ZHX3: variants seen among roughly 807,000 people sequenced by gnomAD.
ZHX3 encodes zinc fingers and homeoboxes 3.
ZHX3 carries 20 observed loss-of-function variants against 64.5 expected under a neutral mutation model. That is an observed-to-expected ratio of 0.31 (90% CI 0.22 to 0.45). The LOEUF (loss-of-function observed/expected upper bound fraction) is 0.45. ZHX3 is among the 20% of genes least tolerant of loss of function. ZHX3 has a pLI of 1.00. For synonymous variants in ZHX3, 423 were observed against 461.6 expected (o/e 0.92, Z 1.07); for missense variants, 1,041 against 1,195.8 (o/e 0.87, Z 1.91).
chr20:41,273,460 A>G (rs2146643785), intron 1 of ZHX3, among the ~76,000 whole-genome samples: 1 of 152,220 alleles, frequency 6.6e-6, no homozygotes, highest in South Asian at 2.1e-4. Context: ...ATGAAGATTT[A>G]CCCTTATGTT....
chr20:41,208,011 T>A (rs1343945359), intron 2 of ZHX3, among the ~76,000 whole-genome samples: 1 of 151,988 alleles, frequency 6.6e-6, no homozygotes, highest in Non-Finnish European at 1.5e-5. Context: ...AAAGGGGATA[T>A]CACCACCGAT....
chr20:41,209,487 C>A (rs1029975450), intron 2 of ZHX3, among the ~76,000 whole-genome samples: 1 of 152,082 alleles, frequency 6.6e-6, no homozygotes, highest in Non-Finnish European at 1.5e-5. Context: ...GTACTGGTAC[C>A]AAAACAGAGA....
At chr20:41,258,115 G>C (rs1174492887) in intron 2 of ZHX3, among the ~76,000 whole-genome samples, 1 of 151,422 alleles carries the variant, frequency 6.6e-6, no homozygotes, top group Non-Finnish European at 1.5e-5. Flanking sequence ...GGCCAGGCTG[G>C]TCTCAAACTC....
chr20:41,313,561 T>TA lies in ZHX3; in HGVS notation c.-245+3947dup, dbSNP rs141382019. Among the ~76,000 whole-genome samples, 1,138 of 149,538 alleles carry TA rather than the reference T, an allele frequency of 7.6e-3. 13 individuals carry two copies. The highest frequency in any genetic ancestry group is 0.027 in the African/African-American group (1,078 of 40,630). On this transcript the variant is annotated intron_variant, in intron 1 of 3. Transcript: ENST00000683867. ...GCTCAATCAATACCTGTGGAACAAG[T>TA]AAAAATAAATTCTTAACACATACTT...
Position 41,224,914 on chromosome 20 carries a change from T to C in ZHX3, c.-150-19848A>G, listed in dbSNP as rs968605471. Among the ~76,000 whole-genome samples, 4 of 152,258 alleles carry C rather than the reference T, an allele frequency of 2.6e-5. No homozygotes were observed. Among genetic ancestry groups the C allele is most frequent in the African/African-American group, 9.6e-5 (4 of 41,474 alleles). Reference sequence around the variant, plus strand: ...CTTTCATAACATTTATCAAAATTTGTCTGGATCTTCATCTGATTCTTTTCC... The same window carrying C: ...CTTTCATAACATTTATCAAAATTTGCCTGGATCTTCATCTGATTCTTTTCC... On this transcript the variant is annotated intron_variant, in intron 2 of 3. Transcript: ENST00000683867. The surrounding 1 kb of genome is among the most constrained non-coding windows in gnomAD (Gnocchi z 5.2).
At chr20:41,258,560 T>C (rs1487149247) in intron 2 of ZHX3, among the ~76,000 whole-genome samples, 1 of 152,230 alleles carries the variant, frequency 6.6e-6, no homozygotes, top group Non-Finnish European at 1.5e-5. Flanking sequence ...ACAGTTATTT[T>C]GTTGACTGTC....
chr20:41,316,139 A>C (rs189595669), intron 1 of ZHX3, among the ~76,000 whole-genome samples: 1 of 152,330 alleles, frequency 6.6e-6, no homozygotes, highest in Non-Finnish European at 1.5e-5. Context: ...AGCCCCGCTC[A>C]ATGTATCAAG....
intron 2 of ZHX3, among the ~76,000 whole-genome samples, chr20:41,242,615 T>C (rs1386308372): frequency 6.6e-6 from 1 of 152,176 alleles, no homozygotes; most frequent in African/African-American, 2.4e-5. Flanking sequence ...GATCTACTAG[T>C]GTACTATGTC....
intron 1 of ZHX3, among the ~76,000 whole-genome samples, chr20:41,290,822 T>C (rs879388564): frequency 3.9e-5 from 6 of 152,208 alleles, no homozygotes; most frequent in African/African-American, 7.2e-5. Context: ...AATGATCATG[T>C]GGAAAAGTGG....
intron 1 of ZHX3, among the ~76,000 whole-genome samples, chr20:41,291,673 T>C (rs986153888): frequency 1.3e-5 from 2 of 152,058 alleles, no homozygotes; most frequent in African/African-American, 4.8e-5. Context: ...TGTATGCATA[T>C]GTATACACAC....
At chr20:41,205,835 T>A (rs1226854265) in intron 2 of ZHX3, among the ~76,000 whole-genome samples, 1 of 152,132 alleles carries the variant, frequency 6.6e-6, no homozygotes, top group African/African-American at 2.4e-5. Flanking sequence ...CTGAGAACAG[T>A]TGGACTGCCT....
chr20:41,210,031 A>G (rs1225329245), intron 2 of ZHX3, among the ~76,000 whole-genome samples: 2 of 152,174 alleles, frequency 1.3e-5, no homozygotes, highest in African/African-American at 2.4e-5. Context: ...CAACAAGTGC[A>G]CAAAGGATAT....
At chr20:41,293,527 A>G (rs1435181152) in intron 1 of ZHX3, among the ~76,000 whole-genome samples, 1 of 152,216 alleles carries the variant, frequency 6.6e-6, no homozygotes, top group Non-Finnish European at 1.5e-5. Context: ...ACGTAAAAGA[A>G]TATAAACAAC....
intron 2 of ZHX3, among the ~76,000 whole-genome samples, chr20:41,245,951 C>G (rs2041665430): frequency 6.6e-6 from 1 of 152,194 alleles, no homozygotes; most frequent in Non-Finnish European, 1.5e-5. Flanking sequence ...ATAATTACAG[C>G]CTTCAATGCT....
chr20:41,250,429 A>G (rs2041934963), intron 2 of ZHX3, among the ~76,000 whole-genome samples: 1 of 152,190 alleles, frequency 6.6e-6, no homozygotes. Context: ...CATGTCTGTA[A>G]TCCCAGTACT....
intron 1 of ZHX3, among the ~76,000 whole-genome samples, chr20:41,311,998 T>C (rs1250818773): frequency 1.3e-5 from 2 of 152,160 alleles, no homozygotes; most frequent in South Asian, 2.1e-4. Flanking sequence ...GTAGTCTCTA[T>C]TGGGGGAGTA....
In ZHX3 at chr20:41,224,147, T is replaced by C. The variant is rs2040120875; in HGVS notation, c.-150-19081A>G. 6.6e-6 allele frequency among the ~76,000 whole-genome samples: 1 copy of C among 152,210 alleles called. No individual in the cohort carries two copies. Among genetic ancestry groups the C allele is most frequent in the Non-Finnish European group, 1.5e-5 (1 of 68,022 alleles). On this transcript the variant is annotated intron_variant, in intron 2 of 3. Transcript: ENST00000683867. This position sits in a 1 kb window ranked among gnomAD's most constrained non-coding sequence, Gnocchi z 5.2. ...ATATGCAGTCCAACTTCTTTCCTAA[T>C]TAAAAAATCCTGCAGCAATCTGTTA...
intron 2 of ZHX3, among the ~76,000 whole-genome samples, chr20:41,237,041 T>C (rs1455337349): frequency 1.3e-5 from 2 of 152,162 alleles, no homozygotes; most frequent in African/African-American, 2.4e-5. Flanking sequence ...ATCAGAGCAA[T>C]GCAAATCAAA....
intron 2 of ZHX3, chr20:41,267,678 G>A (rs1268967618): frequency 3.3e-5 from 5 of 152,198 alleles, no homozygotes; most frequent in Non-Finnish European, 7.3e-5. Context: ...TTCAATTGAG[G>A]GTACCATACA....
Sources: gnomAD v4.1 joint callset for allele counts (sites outside exome capture counted in the v4.1 genomes callset) on GRCh38, gnomAD v4.1.1 for gene constraint, Gnocchi (gnomAD v3.1) non-coding constraint, MANE v1.5 for transcripts, NCBI Gene and HGNC (gene_info 2026-07-23, HGNC 2026-07-21) for gene names.